PLVAP: variants seen among roughly 807,000 people sequenced by gnomAD.
PLVAP encodes the protein plasmalemma vesicle associated protein.
Under a neutral mutation model 43.1 loss-of-function variants are expected in PLVAP, and 34 were observed. The ratio of observed to expected loss-of-function variants is 0.79; its 90% confidence interval spans 0.60 to 1.05. PLVAP has a LOEUF of 1.05. PLVAP is among the 50% of genes least tolerant of loss of function. The pLI is 0.00. For missense variants in PLVAP, 574 were observed against 593.4 expected (o/e 0.97, Z 0.34); for synonymous variants, 241 against 237.3 (o/e 1.02, Z -0.14).
At chr19:17,367,473 C>T (rs2074555114) in intron 1 of PLVAP, among the ~76,000 whole-genome samples, 1 of 151,962 alleles carries the variant, frequency 6.6e-6, no homozygotes, top group Non-Finnish European at 1.5e-5. Context: ...ACTGCAACCT[C>T]CGCCTCCCGA....
At chr19:17,353,025 T>C (rs2074492456) in intron 5 of PLVAP, among the ~76,000 whole-genome samples, 1 of 152,164 alleles carries the variant, frequency 6.6e-6, no homozygotes, top group Non-Finnish European at 1.5e-5. Context: ...GTTGTCTTGC[T>C]ATCTGGGATG....
At chr19:17,353,178 G>A (rs1020809910) in intron 5 of PLVAP, among the ~76,000 whole-genome samples, 22 of 152,168 alleles carry the variant, frequency 1.4e-4, no homozygotes, top group African/African-American at 5.3e-4. Context: ...CTCTTCCCTG[G>A]GGCCCGAGTG....
At chr19:17,373,130 A>AGGG (rs35794385) in intron 1 of PLVAP, among the ~76,000 whole-genome samples, 1 of 142,260 alleles carries the variant, frequency 7.0e-6, no homozygotes, top group Non-Finnish European at 1.5e-5. Context: ...TTCAGGTCTG[A>AGGG]GAGGGGAGGC....
At chr19:17,356,816 G>A (rs950731505) in intron 5 of PLVAP, among the ~76,000 whole-genome samples, 54 of 151,932 alleles carry the variant, frequency 3.6e-4, no homozygotes, top group Admixed American at 2.8e-3. Flanking sequence ...AAAATTAGCC[G>A]GGCGTGATGG....
At chr19:17,360,676 G>C in intron 4 of PLVAP, 67 bp from the exon 5 acceptor site, 2 of 1,581,438 alleles carry the variant, frequency 1.3e-6, no homozygotes, top group Non-Finnish European at 1.7e-6. Flanking sequence ...GCTAGGGATG[G>C]GCTGGCAGCC....
chr19:17,372,707 C>G (rs1362019348), intron 1 of PLVAP, among the ~76,000 whole-genome samples: 1 of 150,738 alleles, frequency 6.6e-6, no homozygotes, highest in East Asian at 2.1e-4. Context: ...CCACCCACCT[C>G]GGCCTCCCGA....
chr19:17,352,169 G>A lies in PLVAP; in HGVS notation c.*193C>T. 2.8e-6 allele frequency: 2 copies of A among 707,454 alleles called. No homozygotes were observed. Among genetic ancestry groups the A allele is most frequent in the Non-Finnish European group, 4.8e-6 (2 of 419,060 alleles). The allele number at this position is 707,454 out of a possible 1,614,324, so 43.8% of individuals were successfully genotyped here. A position where few individuals can be genotyped will look rare whatever the true frequency, so the allele number is the denominator to read the frequency against. ...GTCATCTCCGCGGCCGTGTGCTCTG[G>A]GTGAGGGATCGTGAGGCGCGGGTGC... On this transcript the variant is annotated 3_prime_UTR_variant, in exon 6 of 6. Coordinates refer to ENST00000252590, the MANE Select transcript of PLVAP (RefSeq NM_031310.3).
rs1053203397 is a variant in PLVAP at position 17,374,421 on chromosome 19, C to T, written c.369+2499G>A. On this transcript the variant is annotated intron_variant, in intron 1 of 5. Coordinates refer to ENST00000252590, the MANE Select transcript of PLVAP (RefSeq NM_031310.3). Reference sequence around the variant, plus strand: ...TGGGGCTTGCAGTGAGCCGAGACTGCGCCACTGCACTCCAGCCTGGGTGAA... The same window carrying T: ...TGGGGCTTGCAGTGAGCCGAGACTGTGCCACTGCACTCCAGCCTGGGTGAA... Among the ~76,000 whole-genome samples the T allele has an allele frequency of 1.1e-4, 17 of 151,102 alleles. 1 individual carries two copies. In the South Asian group the frequency reaches 1.3e-3, roughly 11 times the overall value.
intron 3 of PLVAP, 131 bp from the exon 4 acceptor site, chr19:17,360,963 G>A: frequency 1.3e-6 from 1 of 798,386 alleles, no homozygotes; most frequent in Middle Eastern, 3.6e-4. Flanking sequence ...TGCCCAGGCT[G>A]GAGTGCAGTG....
intron 1 of PLVAP, among the ~76,000 whole-genome samples, chr19:17,373,065 CAAAAAAAAAAA>C (rs59152541): frequency 7.9e-4 from 36 of 45,690 alleles, no homozygotes; most frequent in African/African-American, 2.3e-3. Context: ...GACTCTGTCT[CAAAAAAAAAAA>C]AAAAAAAAAA....
chr19:17,372,833 C>T (rs1297971842), intron 1 of PLVAP, among the ~76,000 whole-genome samples: 12 of 148,858 alleles, frequency 8.1e-5, no homozygotes, highest in African/African-American at 2.0e-4. Flanking sequence ...GAGGCCAAGG[C>T]GGGCGGATCA....
At chr19:17,368,260 CAG>C (rs2074558256) in intron 1 of PLVAP, among the ~76,000 whole-genome samples, 1 of 151,656 alleles carries the variant, frequency 6.6e-6, no homozygotes, top group South Asian at 2.1e-4. Context: ...TTAGTAGAGA[CAG>C]GGTTTCTCCA....
intron 5 of PLVAP, among the ~76,000 whole-genome samples, chr19:17,356,006 A>C (rs2074505247): frequency 6.6e-6 from 1 of 152,140 alleles, no homozygotes; most frequent in African/African-American, 2.4e-5. Flanking sequence ...CCAACAGAAA[A>C]TGACTTTAAA....
intron 1 of PLVAP, among the ~76,000 whole-genome samples, chr19:17,368,549 A>G (rs2074559334): frequency 6.6e-6 from 1 of 151,902 alleles, no homozygotes; most frequent in Non-Finnish European, 1.5e-5. Flanking sequence ...AGTTAAGGTG[A>G]GGTCCTTAGG....
At chr19:17,356,695 C>T (rs2074507982) in intron 5 of PLVAP, among the ~76,000 whole-genome samples, 1 of 151,758 alleles carries the variant, frequency 6.6e-6, no homozygotes, top group Non-Finnish European at 1.5e-5. Flanking sequence ...TGTGATGGCT[C>T]ACGCCTGTAA....
intron 5 of PLVAP, among the ~76,000 whole-genome samples, chr19:17,355,945 A>C (rs2074505080): frequency 1.3e-5 from 2 of 152,156 alleles, no homozygotes; most frequent in African/African-American, 4.8e-5. Flanking sequence ...TGTGATCTGC[A>C]GGAAGGGACA....
At position 17,365,064 on chromosome 19, in the gene PLVAP, C is replaced by T. The variant is rs113272344; in HGVS notation, c.1179+222G>A. Among the ~76,000 whole-genome samples the T allele has an allele frequency of 2.6e-3, 393 of 152,202 alleles. 4 individuals carry two copies. The highest frequency in any genetic ancestry group is 9.0e-3 in the African/African-American group (372 of 41,536). ...TTGGGATTATTGGCATGAGCCACTGCGCACGGCACTCTAATTCCATTCTTA... is the reference window on the plus strand; with the variant it reads ...TTGGGATTATTGGCATGAGCCACTGTGCACGGCACTCTAATTCCATTCTTA... On this transcript the variant is annotated intron_variant, in intron 3 of 5. Coordinates refer to ENST00000252590, the MANE Select transcript of PLVAP (RefSeq NM_031310.3).
At chr19:17,359,472 C>T (rs947796408) in intron 5 of PLVAP, among the ~76,000 whole-genome samples, 1 of 151,884 alleles carries the variant, frequency 6.6e-6, no homozygotes, top group African/African-American at 2.4e-5. Context: ...ATGGTGTCAT[C>T]TCGGCTCACT....
intron 1 of PLVAP, among the ~76,000 whole-genome samples, chr19:17,368,301 T>G (rs983097997): frequency 6.6e-6 from 1 of 150,816 alleles, no homozygotes; most frequent in Non-Finnish European, 1.5e-5. Flanking sequence ...CAAACTCCCA[T>G]CCTCAGGTGA....
Sources: allele counts gnomAD v4.1 joint callset (sites outside exome capture counted in the v4.1 genomes callset), GRCh38; gene constraint gnomAD v4.1.1; transcripts MANE v1.5; gene names NCBI Gene and HGNC (gene_info 2026-07-23, HGNC 2026-07-21).